ZC3H12B: variants seen among roughly 807,000 people sequenced by gnomAD.
ZC3H12B encodes the protein probable ribonuclease ZC3H12B.
ZC3H12B carries 7 observed loss-of-function variants against 43.9 expected under a neutral mutation model. The observed-to-expected ratio is 0.16, with a 90% confidence interval of 0.09 to 0.30. ZC3H12B has a LOEUF of 0.30. ZC3H12B is among the 10% of genes least tolerant of loss of function. The pLI, the probability that ZC3H12B is intolerant of heterozygous loss-of-function variation, is 1.00. For synonymous variants in ZC3H12B, 222 were observed against 241.7 expected (o/e 0.92, Z 0.76); for missense variants, 475 against 670.2 (o/e 0.71, Z 3.22).
the ZC3H12B span, among the ~76,000 whole-genome samples, chrX:65,105,734 C>T: frequency 9.0e-6 from 1 of 111,558 alleles, no homozygotes; most frequent in Non-Finnish European, 1.9e-5. Context: ...GTAGGGGTAG[C>T]CATTCATGTG....
the ZC3H12B span, among the ~76,000 whole-genome samples, chrX:65,155,197 A>G: frequency 1.8e-5 from 2 of 110,549 alleles, no homozygotes; most frequent in African/African-American, 3.3e-5. Flanking sequence ...AACTCAAGCC[A>G]TCTGCCCACC....
At chrX:65,235,588 G>A in the ZC3H12B span, among the ~76,000 whole-genome samples, 1 of 111,122 alleles carries the variant, frequency 9.0e-6, no homozygotes, top group Non-Finnish European at 1.9e-5. Flanking sequence ...ATCCCAGCCT[G>A]GATTGCTTGC....
chrX:65,433,077 G>A (rs748592169), intron 3 of ZC3H12B, among the ~76,000 whole-genome samples: 11 of 112,845 alleles, frequency 9.7e-5, no homozygotes, highest in Non-Finnish European at 1.3e-4. Flanking sequence ...GGAGAAAAAG[G>A]CATTTGCCAA....
chrX:65,194,109 C>G, the ZC3H12B span, among the ~76,000 whole-genome samples: 1 of 109,620 alleles, frequency 9.1e-6, no homozygotes, highest in African/African-American at 3.3e-5. Context: ...CCCACCAGGC[C>G]CCAACCTCCA....
exon 5 of ZC3H12B, chrX:65,505,723 T>C (rs1268902745): frequency 8.9e-6 from 1 of 112,598 alleles, no homozygotes; most frequent in Non-Finnish European, 1.9e-5. Context: ...CCACTAGCTG[T>C]ACAATTTACA....
chrX:65,381,716 A>T (rs182446246), intron 2 of ZC3H12B, among the ~76,000 whole-genome samples: 1,451 of 111,749 alleles, frequency 0.013, 54 homozygotes, highest in Admixed American at 0.098. Flanking sequence ...GCAAGACTAA[A>T]AAAGAAGAAA....
the ZC3H12B span, among the ~76,000 whole-genome samples, chrX:65,120,744 C>T: frequency 2.7e-5 from 3 of 111,520 alleles, no homozygotes; most frequent in Admixed American, 9.5e-5. Flanking sequence ...AAAGGGAATG[C>T]TTCCAGTTTT....
chrX:65,189,700 C>G, the ZC3H12B span, among the ~76,000 whole-genome samples: 1 of 107,166 alleles, frequency 9.3e-6, no homozygotes, highest in Non-Finnish European at 1.9e-5. Context: ...GATATTAGCC[C>G]TTTGTCAGAT....
the ZC3H12B span, among the ~76,000 whole-genome samples, chrX:65,273,462 T>G: frequency 9.1e-6 from 1 of 110,036 alleles, no homozygotes; most frequent in African/African-American, 3.3e-5. Context: ...TGGCACATGA[T>G]CAAACAAGCA....
chrX:65,487,089 G>A (rs1372097637), upstream of ZC3H12B, among the ~76,000 whole-genome samples: 1 of 112,788 alleles, frequency 8.9e-6, no homozygotes, highest in Non-Finnish European at 1.9e-5. Flanking sequence ...AAAGTCGCAA[G>A]TGGTAATGTA....
intron 2 of ZC3H12B, among the ~76,000 whole-genome samples, chrX:65,371,903 A>C (rs2066249610): frequency 9.0e-6 from 1 of 111,276 alleles, no homozygotes; most frequent in African/African-American, 3.3e-5. Flanking sequence ...ACTGCCAAAG[A>C]AGTGTACCTC....
the ZC3H12B span, among the ~76,000 whole-genome samples, chrX:65,155,667 A>T: frequency 1.1e-4 from 12 of 110,987 alleles, no homozygotes; most frequent in African/African-American, 3.6e-4. Flanking sequence ...CAGCCAAGGC[A>T]ACATGGTGAA....
At chrX:65,061,338 C>A in the ZC3H12B span, among the ~76,000 whole-genome samples, 1 of 105,975 alleles carries the variant, frequency 9.4e-6, no homozygotes, top group East Asian at 2.8e-4. Flanking sequence ...CCCAACAGGC[C>A]CCAGTGTGTG....
the ZC3H12B span, among the ~76,000 whole-genome samples, chrX:65,070,682 G>A: frequency 2.7e-5 from 3 of 110,493 alleles, no homozygotes; most frequent in Non-Finnish European, 5.7e-5. Context: ...GCTTTAATTT[G>A]ATTATTTACC....
the ZC3H12B span, among the ~76,000 whole-genome samples, chrX:65,359,668 CT>C: frequency 8.9e-6 from 1 of 112,342 alleles, no homozygotes; most frequent in African/African-American, 3.2e-5. Flanking sequence ...TGAGGAATTG[CT>C]TTTTATGTAT....
chrX:65,296,767 G>A, the ZC3H12B span, among the ~76,000 whole-genome samples: 2 of 111,202 alleles, frequency 1.8e-5, no homozygotes, highest in African/African-American at 6.5e-5. Context: ...CAAAATACTA[G>A]CTAACTGAAT....
chrX:65,426,203 C>T (rs1482723427), intron 3 of ZC3H12B, among the ~76,000 whole-genome samples: 1 of 107,558 alleles, frequency 9.3e-6, no homozygotes, highest in Non-Finnish European at 1.9e-5. Flanking sequence ...CTGTAGTGTC[C>T]AAGAATTTAT....
chrX:65,427,420 C>A (rs2067097173), intron 3 of ZC3H12B, among the ~76,000 whole-genome samples: 1 of 110,899 alleles, frequency 9.0e-6, no homozygotes, highest in South Asian at 3.9e-4. Flanking sequence ...CCTCAGCCTC[C>A]TAGGTTCAAG....
At chrX:65,132,623 T>C in the ZC3H12B span, among the ~76,000 whole-genome samples, 2 of 110,856 alleles carry the variant, frequency 1.8e-5, no homozygotes. Context: ...TGTCTCTACC[T>C]AATAAGGGAG....
Sources: gnomAD v4.1 joint callset for allele counts (sites outside exome capture counted in the v4.1 genomes callset) on GRCh38, gnomAD v4.1.1 for gene constraint, MANE v1.5 for transcripts, NCBI Gene and HGNC (gene_info 2026-07-23, HGNC 2026-07-21) for gene names.